The following CCSER1 variants were observed in gnomAD, a reference collection of about 807,000 sequenced individuals.
CCSER1 encodes the protein coiled-coil serine rich protein 1, also known as serine-rich coiled-coil domain-containing protein 1.
Under a neutral mutation model 82.0 loss-of-function variants are expected in CCSER1, and 41 were observed. That is an observed-to-expected ratio of 0.50 (90% CI 0.39 to 0.65). CCSER1 has a LOEUF of 0.65. CCSER1 is among the 30% of genes least tolerant of loss of function. CCSER1 has a pLI of 0.00. For missense variants in CCSER1, 1,119 were observed against 1,064.2 expected, an observed-to-expected ratio of 1.05 and a Z score of -0.72; for synonymous variants, 414 against 383.9, an observed-to-expected ratio of 1.08 and a Z score of -0.92.
chr4:90,474,188 G>A (rs907459575), intron 5 of CCSER1, among the ~76,000 whole-genome samples: 5 of 151,856 alleles, frequency 3.3e-5, no homozygotes, highest in Admixed American at 6.6e-5. Context: ...TAATGTAGAT[G>A]TGTATCTCAT....
chr4:90,629,800 T>C (rs1188569087), intron 6 of CCSER1, among the ~76,000 whole-genome samples: 1 of 152,220 alleles, frequency 6.6e-6, no homozygotes, highest in African/African-American at 2.4e-5. Context: ...GAGCTGGCAG[T>C]TCAGCAAAGG....
chr4:91,415,691 G>A (rs1200665618), intron 10 of CCSER1, among the ~76,000 whole-genome samples: 4 of 151,966 alleles, frequency 2.6e-5, no homozygotes, highest in Admixed American at 6.6e-5. Context: ...TATTTATTTC[G>A]TTTATGTGAT....
intron 8 of CCSER1, 119 bp from the exon 9 acceptor site, chr4:90,923,251 G>A: frequency 4.1e-6 from 3 of 733,192 alleles, no homozygotes; most frequent in Non-Finnish European, 7.1e-6. Context: ...ACACAGCAAA[G>A]CATATGCACA....
At chr4:91,478,795 A>G (rs1277031075) in intron 10 of CCSER1, among the ~76,000 whole-genome samples, 5 of 151,886 alleles carry the variant, frequency 3.3e-5, no homozygotes, top group African/African-American at 7.2e-5. Context: ...CTACTTATTC[A>G]GTCAAATAAG....
intron 10 of CCSER1, among the ~76,000 whole-genome samples, chr4:91,527,100 A>G (rs899520805): frequency 2.6e-5 from 4 of 152,238 alleles, no homozygotes; most frequent in Non-Finnish European, 5.9e-5. Context: ...GTGTTAATGC[A>G]TGAGCTAATC....
rs572722839 is a variant in CCSER1, at chr4:91,523,102, G to A, written c.2218-75470G>A. On this transcript the variant is annotated intron_variant, in intron 10 of 10. Coordinates refer to ENST00000509176, the MANE Select transcript of CCSER1 (RefSeq NM_001145065.2). ...GCATGAAGGGCTGTTGAGTTTTGTC[G>A]AAGGCCTTTTCTTCATCTATTGAGA... Among the ~76,000 whole-genome samples, 114 of 152,070 alleles carry A rather than the reference G, an allele frequency of 7.5e-4. 2 individuals carry two copies. The highest frequency in any genetic ancestry group is 5.8e-4 in the East Asian group (3 of 5,166).
chr4:90,980,206 G>T (rs909455311), intron 9 of CCSER1, among the ~76,000 whole-genome samples: 4 of 151,834 alleles, frequency 2.6e-5, no homozygotes, highest in Non-Finnish European at 5.9e-5. Context: ...TGGCACACAG[G>T]TTCCAAAAAT....
At chr4:90,476,038 G>A (rs1168833807) in intron 5 of CCSER1, among the ~76,000 whole-genome samples, 2 of 146,464 alleles carry the variant, frequency 1.4e-5, no homozygotes, top group African/African-American at 5.2e-5. Flanking sequence ...GTGTGTGTGT[G>A]TGTGTGTATG....
intron 10 of CCSER1, among the ~76,000 whole-genome samples, chr4:91,242,019 A>C (rs1340692584): frequency 6.6e-6 from 1 of 152,142 alleles, no homozygotes; most frequent in Non-Finnish European, 1.5e-5. Context: ...CATTTTGGTA[A>C]ATGACAAAAG....
At chr4:90,228,003 A>G (rs1743566976) in intron 1 of CCSER1, among the ~76,000 whole-genome samples, 1 of 152,166 alleles carries the variant, frequency 6.6e-6, no homozygotes, top group Non-Finnish European at 1.5e-5. Context: ...TTGCTAGCAC[A>G]GCAGTCTGAG....
At chr4:90,345,271 G>A (rs1742124330) in intron 3 of CCSER1, among the ~76,000 whole-genome samples, 1 of 152,052 alleles carries the variant, frequency 6.6e-6, no homozygotes, top group African/African-American at 2.4e-5. Context: ...TATTTAAATG[G>A]AAGAAACAAG....
chr4:90,911,093 G>A lies in CCSER1; in HGVS notation c.2095-12277G>A, dbSNP rs72882816. Reference sequence around the variant, plus strand: ...GCATTCTCTGCAGGAACTTAGCAACGTGGAGAGAGCCAGCCTGTGTTCTTA... The same window carrying A: ...GCATTCTCTGCAGGAACTTAGCAACATGGAGAGAGCCAGCCTGTGTTCTTA... On this transcript the variant is annotated intron_variant, in intron 8 of 10. Transcript: ENST00000509176. Among the ~76,000 whole-genome samples the A allele has an allele frequency of 4.1e-3, 620 of 152,288 alleles. 5 individuals carry two copies. The highest frequency in any genetic ancestry group is 0.014 in the African/African-American group (580 of 41,562).
chr4:91,089,632 G>A (rs1192301324), intron 10 of CCSER1, among the ~76,000 whole-genome samples: 2 of 152,154 alleles, frequency 1.3e-5, no homozygotes, highest in African/African-American at 4.8e-5. Context: ...CTAAGGTAAT[G>A]ATGAAGCTTT....
intron 6 of CCSER1, among the ~76,000 whole-genome samples, chr4:90,655,692 A>G (rs562785943): frequency 6.0e-4 from 91 of 152,098 alleles, no homozygotes; most frequent in African/African-American, 2.0e-3. Context: ...TAGTATTGAG[A>G]GGATCCCTAA....
intron 5 of CCSER1, among the ~76,000 whole-genome samples, chr4:90,523,925 A>G (rs1170316645): frequency 6.6e-6 from 1 of 152,196 alleles, no homozygotes; most frequent in Non-Finnish European, 1.5e-5. Context: ...TTTGAATAGC[A>G]TATCCTGTGT....
intron 1 of CCSER1, among the ~76,000 whole-genome samples, chr4:90,211,817 T>G (rs1740062197): frequency 6.6e-6 from 1 of 152,210 alleles, no homozygotes; most frequent in Non-Finnish European, 1.5e-5. Context: ...GTGTTTTGTT[T>G]TTTGCTTTTT....
chr4:90,900,911 T>C (rs1724540885), intron 8 of CCSER1, among the ~76,000 whole-genome samples: 1 of 151,960 alleles, frequency 6.6e-6, no homozygotes, highest in African/African-American at 2.4e-5. Context: ...CCACTACTAT[T>C]GGATGACTGT....
chr4:90,815,454 A>G (rs1020722442), intron 7 of CCSER1, among the ~76,000 whole-genome samples: 7 of 152,296 alleles, frequency 4.6e-5, no homozygotes, highest in South Asian at 2.1e-4. Context: ...GGTTTCTGTC[A>G]TAGGCAAATA....
At chr4:90,233,688 G>T (rs1213088246) in intron 1 of CCSER1, among the ~76,000 whole-genome samples, 3 of 149,388 alleles carry the variant, frequency 2.0e-5, no homozygotes, top group Admixed American at 1.3e-4. Flanking sequence ...AATCTTGAGG[G>T]TATAAAAGCC....
Sources: gnomAD v4.1 joint callset for allele counts (sites outside exome capture counted in the v4.1 genomes callset) on GRCh38, gnomAD v4.1.1 for gene constraint, MANE v1.5 for transcripts, NCBI Gene and HGNC (gene_info 2026-07-23, HGNC 2026-07-21) for gene names.